Variants in FRMD4A observed in about 807,000 individuals in gnomAD.
FRMD4A encodes the protein FERM domain containing 4A, also known as FERM domain-containing protein 4A.
A neutral mutation model predicts 129.1 loss-of-function variants in FRMD4A; 29 were observed. That is an observed-to-expected ratio of 0.22 (90% confidence interval 0.17 to 0.31). The LOEUF (loss-of-function observed/expected upper bound fraction) is 0.31, where lower values mean the gene tolerates loss of function less well. Among genes scored for constraint, FRMD4A ranks in the 10% least tolerant of loss-of-function variants. The pLI, the probability that FRMD4A is intolerant of heterozygous loss-of-function variation, is 1.00. For synonymous variants in FRMD4A, 634 were observed against 571.6 expected (o/e 1.11, Z -1.56); for missense variants, 1,272 against 1,375.8 (o/e 0.92, Z 1.19).
At chr10:13,684,064 T>C (rs1297169860) in intron 15 of FRMD4A, 1 of 152,226 alleles carries the variant, frequency 6.6e-6, no homozygotes, top group Non-Finnish European at 1.5e-5. Flanking sequence ...TGAATTATTG[T>C]CAGGAAAACA....
Position 13,728,573 on chromosome 10 carries a change from C to CTTTTTTTTTTTTTTTTTTTTTTTTTTT in FRMD4A, c.759+9270_759+9271insAAAAAAAAAAAAAAAAAAAAAAAAAAA, listed in dbSNP as rs10706168. On this transcript the variant is annotated intron_variant, in intron 12 of 24. Transcript: ENST00000357447. ...TCAGTGCTTTCAGGTGATTACCATT[C>CTTTTTTTTTTTTTTTTTTTTTTTTTTT]TTTTTTTTTTTTTTTTTGAGATGGA... Among the ~76,000 whole-genome samples, 70 of 78,352 alleles carry CTTTTTTTTTTTTTTTTTTTTTTTTTTT rather than the reference C, an allele frequency of 8.9e-4. 22 individuals are homozygous for CTTTTTTTTTTTTTTTTTTTTTTTTTTT. Among genetic ancestry groups the CTTTTTTTTTTTTTTTTTTTTTTTTTTT allele is most frequent in the Non-Finnish European group, 1.2e-3 (51 of 42,032 alleles). 51.4% of individuals were successfully genotyped at this position (78,352 alleles called of 152,430 possible). A position where few individuals can be genotyped will look rare whatever the true frequency, so the allele number is the denominator to read the frequency against.
intron 2 of FRMD4A, among the ~76,000 whole-genome samples, chr10:14,217,487 T>G (rs1843110928): frequency 6.6e-6 from 1 of 152,236 alleles, no homozygotes; most frequent in African/African-American, 2.4e-5. Flanking sequence ...CCATGAAAGA[T>G]GTACCTTTCA....
chr10:13,664,867 GCC>G (rs1423983416), intron 18 of FRMD4A, among the ~76,000 whole-genome samples: 1 of 151,872 alleles, frequency 6.6e-6, no homozygotes, highest in Non-Finnish European at 1.5e-5. Context: ...ATGCCAACAT[GCC>G]CAGCTTAACT....
chr10:14,278,117 C>A (rs535977363), intron 2 of FRMD4A, among the ~76,000 whole-genome samples: 2 of 152,282 alleles, frequency 1.3e-5, no homozygotes, highest in African/African-American at 2.4e-5. Context: ...CATTTCTAAT[C>A]TGTTGGGAGG....
At chr10:14,145,394 C>T (rs1007629187) in intron 2 of FRMD4A, among the ~76,000 whole-genome samples, 2 of 152,166 alleles carry the variant, frequency 1.3e-5, no homozygotes, top group African/African-American at 4.8e-5. Context: ...TTAAGAGACT[C>T]AGTGTCTCAG....
chr10:13,919,703 C>T lies in FRMD4A; in HGVS notation c.46-60791G>A, dbSNP rs533539430. ...CTGTAATCCCAGCACTTTAGGAGGC[C>T]GAGGTGGGCGGATCACTTGAGGTTA... On this transcript the variant is annotated intron_variant, in intron 2 of 24. Coordinates refer to ENST00000357447, the MANE Select transcript of FRMD4A (RefSeq NM_018027.5). Among the ~76,000 whole-genome samples, 14 of 151,944 alleles carry T rather than the reference C, an allele frequency of 9.2e-5. No homozygotes were observed. The East Asian group carries it at 1.7e-3, about 19-fold the overall frequency.
At chr10:14,108,176 T>C (rs983144019) in intron 2 of FRMD4A, among the ~76,000 whole-genome samples, 5 of 152,222 alleles carry the variant, frequency 3.3e-5, no homozygotes, top group South Asian at 2.1e-4. Flanking sequence ...GTCGCTTTAA[T>C]TGGCATTTCT....
intron 12 of FRMD4A, among the ~76,000 whole-genome samples, chr10:13,717,643 G>T (rs111362200): frequency 4.2e-5 from 6 of 142,822 alleles, no homozygotes; most frequent in Non-Finnish European, 9.0e-5. Context: ...TTTTAATCAG[G>T]GTTTGACTAC....
At chr10:14,077,897 G>C (rs934481434) in intron 2 of FRMD4A, among the ~76,000 whole-genome samples, 6 of 152,202 alleles carry the variant, frequency 3.9e-5, no homozygotes, top group Admixed American at 3.3e-4. Flanking sequence ...AGATATGTGT[G>C]TTACATGGCA....
At chr10:13,759,066 T>G (rs868309844) in intron 8 of FRMD4A, among the ~76,000 whole-genome samples, 5 of 152,164 alleles carry the variant, frequency 3.3e-5, no homozygotes, top group African/African-American at 1.2e-4. Context: ...TTTACTAGCA[T>G]GGGCCTGCTA....
intron 2 of FRMD4A, among the ~76,000 whole-genome samples, chr10:14,084,621 A>G (rs2614145): frequency 0.011 from 1,620 of 152,270 alleles, 31 homozygotes; most frequent in African/African-American, 0.037. Flanking sequence ...TTGATATGCA[A>G]ACCAACCGGT....
chr10:14,020,388 G>C (rs1413369162), intron 2 of FRMD4A, among the ~76,000 whole-genome samples: 1 of 152,182 alleles, frequency 6.6e-6, no homozygotes, highest in African/African-American at 2.4e-5. Flanking sequence ...TATGGAAACA[G>C]CTGTTCTTGA....
intron 2 of FRMD4A, among the ~76,000 whole-genome samples, chr10:14,073,311 G>T (rs1283380492): frequency 6.6e-6 from 1 of 152,156 alleles, no homozygotes; most frequent in African/African-American, 2.4e-5. Flanking sequence ...GGGCTACAAG[G>T]TGACAGATGG....
chr10:14,204,376 C>A (rs1302587783), intron 2 of FRMD4A, among the ~76,000 whole-genome samples: 1 of 151,988 alleles, frequency 6.6e-6, no homozygotes, highest in African/African-American at 2.4e-5. Context: ...CTGCACCGAA[C>A]TGTGATCAGC....
At chr10:14,001,596 A>G (rs1565172513) in intron 2 of FRMD4A, among the ~76,000 whole-genome samples, 1 of 152,232 alleles carries the variant, frequency 6.6e-6, no homozygotes, top group African/African-American at 2.4e-5. Flanking sequence ...AACATGACAT[A>G]AGCTGCTATA....
intron 3 of FRMD4A, among the ~76,000 whole-genome samples, chr10:13,837,998 T>G (rs1248181334): frequency 6.6e-6 from 1 of 152,134 alleles, no homozygotes; most frequent in Non-Finnish European, 1.5e-5. Context: ...GAACCTTCCT[T>G]TCCATGAAAA....
chr10:14,287,520 C>T (rs901602403), intron 2 of FRMD4A, among the ~76,000 whole-genome samples: 1 of 152,170 alleles, frequency 6.6e-6, no homozygotes, highest in African/African-American at 2.4e-5. Context: ...CAAAGGACCA[C>T]AAAATCTTTA....
intron 17 of FRMD4A, chr10:13,668,154 A>C (rs2083214287): frequency 6.6e-6 from 1 of 152,260 alleles, no homozygotes; most frequent in Non-Finnish European, 1.5e-5. Context: ...GTGAAGGTTA[A>C]AGAGAACTAT....
chr10:13,727,752 C>G (rs2090007911), intron 12 of FRMD4A: 1 of 152,278 alleles, frequency 6.6e-6, no homozygotes, highest in Non-Finnish European at 1.5e-5. Flanking sequence ...CCCTCCCGCT[C>G]TTCCTTACTC....
Sources: allele counts gnomAD v4.1 joint callset (sites outside exome capture counted in the v4.1 genomes callset), GRCh38; gene constraint gnomAD v4.1.1; transcripts MANE v1.5; gene names NCBI Gene and HGNC (gene_info 2026-07-23, HGNC 2026-07-21).